The following NLGN1 variants were observed in gnomAD, a reference collection of about 807,000 sequenced individuals.
NLGN1 encodes neuroligin-1.
A neutral mutation model predicts 65.5 loss-of-function variants in NLGN1; 12 were observed. The ratio of observed to expected loss-of-function variants is 0.18; its 90% confidence interval spans 0.12 to 0.30. The LOEUF (loss-of-function observed/expected upper bound fraction) is 0.30, where lower values mean the gene tolerates loss of function less well. Among genes scored for constraint, NLGN1 ranks in the 10% least tolerant of loss-of-function variants. The pLI is 1.00. For synonymous variants in NLGN1, 350 were observed against 359.5 expected (o/e 0.97, Z 0.30); for missense variants, 750 against 1,007.1 (o/e 0.74, Z 3.46).
chr3:173,548,935 C>G (rs774295307), intron 2 of NLGN1, among the ~76,000 whole-genome samples: 2 of 151,962 alleles, frequency 1.3e-5, no homozygotes, highest in African/African-American at 2.4e-5. Flanking sequence ...ACCATTAGAT[C>G]TATTTCATGC....
intron 4 of NLGN1, among the ~76,000 whole-genome samples, chr3:174,118,679 G>A (rs1332832812): frequency 6.6e-6 from 1 of 151,068 alleles, no homozygotes; most frequent in African/African-American, 2.4e-5. Flanking sequence ...GATTTCAGGA[G>A]TAGGAAGAAG....
At chr3:173,922,282 G>C (rs1445918001) in intron 4 of NLGN1, among the ~76,000 whole-genome samples, 1 of 151,748 alleles carries the variant, frequency 6.6e-6, no homozygotes, top group East Asian at 1.9e-4. Flanking sequence ...AAAGAATAAG[G>C]CTAATATAAG....
At chr3:174,085,032 T>C (rs1742974967) in intron 4 of NLGN1, among the ~76,000 whole-genome samples, 1 of 152,028 alleles carries the variant, frequency 6.6e-6, no homozygotes, top group African/African-American at 2.4e-5. Context: ...AACATTCTCA[T>C]ATTTAAAATA....
chr3:173,574,184 C>T (rs962183446), intron 2 of NLGN1, among the ~76,000 whole-genome samples: 1 of 150,850 alleles, frequency 6.6e-6, no homozygotes, highest in Admixed American at 6.6e-5. Context: ...GTTTAATTAC[C>T]GATTTGTTTT....
At chr3:173,780,660 A>G (rs1220386666) in intron 3 of NLGN1, among the ~76,000 whole-genome samples, 1 of 152,206 alleles carries the variant, frequency 6.6e-6, no homozygotes, top group Admixed American at 6.5e-5. Flanking sequence ...TTAAATATTT[A>G]TTCTAAAAGT....
intron 4 of NLGN1, among the ~76,000 whole-genome samples, chr3:174,022,428 T>C (rs1386612968): frequency 6.6e-6 from 1 of 152,126 alleles, no homozygotes; most frequent in Admixed American, 6.6e-5. Context: ...TGGAATAGCT[T>C]GTGGAAGATG....
intron 4 of NLGN1, among the ~76,000 whole-genome samples, chr3:174,263,868 G>C (rs1747460263): frequency 6.6e-6 from 1 of 150,550 alleles, no homozygotes. Context: ...AGCTCTTTTA[G>C]GGCAGGCCTG....
intron 3 of NLGN1, among the ~76,000 whole-genome samples, chr3:173,728,055 G>A (rs1055972263): frequency 6.6e-6 from 1 of 152,064 alleles, no homozygotes; most frequent in Admixed American, 6.6e-5. Context: ...AAAATATAGG[G>A]AATTAATCTC....
chr3:173,662,023 G>A (rs538608642), intron 3 of NLGN1, among the ~76,000 whole-genome samples: 4 of 152,070 alleles, frequency 2.6e-5, no homozygotes, highest in South Asian at 2.1e-4. Flanking sequence ...CAAGAGTCAC[G>A]CAACTGTTTG....
chr3:173,743,949 T>C (rs1005717355), intron 3 of NLGN1, among the ~76,000 whole-genome samples: 3 of 152,130 alleles, frequency 2.0e-5, no homozygotes, highest in African/African-American at 7.2e-5. Flanking sequence ...ACACTACATA[T>C]CACAACTTTT....
chr3:173,892,009 A>G (rs1459256547), intron 4 of NLGN1, among the ~76,000 whole-genome samples: 1 of 152,204 alleles, frequency 6.6e-6, no homozygotes, highest in Non-Finnish European at 1.5e-5. Flanking sequence ...GTCACAGGAA[A>G]AATAACAATC....
chr3:173,761,546 C>A (rs780569708), intron 3 of NLGN1, among the ~76,000 whole-genome samples: 1 of 151,960 alleles, frequency 6.6e-6, no homozygotes, highest in African/African-American at 2.4e-5. Context: ...GCATCACTAC[C>A]TTTTAAATAT....
At chr3:173,583,855 A>T (rs1289691397) in intron 2 of NLGN1, among the ~76,000 whole-genome samples, 1 of 152,180 alleles carries the variant, frequency 6.6e-6, no homozygotes, top group Non-Finnish European at 1.5e-5. Flanking sequence ...GTCCCAAATG[A>T]GTAAGAGATT....
intron 4 of NLGN1, among the ~76,000 whole-genome samples, chr3:174,138,188 C>A (rs879456069): frequency 6.6e-6 from 1 of 151,866 alleles, no homozygotes; most frequent in Non-Finnish European, 1.5e-5. Context: ...GGAATTTACC[C>A]GCATACTATA....
intron 4 of NLGN1, among the ~76,000 whole-genome samples, chr3:173,852,012 T>C (rs1229931827): frequency 6.6e-6 from 1 of 152,056 alleles, no homozygotes; most frequent in Non-Finnish European, 1.5e-5. Context: ...AACATACAAT[T>C]TGAGGAACCT....
chr3:173,852,012 T>G (rs1229931827), intron 4 of NLGN1, among the ~76,000 whole-genome samples: 1 of 152,056 alleles, frequency 6.6e-6, no homozygotes. Flanking sequence ...AACATACAAT[T>G]TGAGGAACCT....
chr3:173,904,509 GTT>G (rs1299720428), intron 4 of NLGN1, among the ~76,000 whole-genome samples: 2 of 141,912 alleles, frequency 1.4e-5, no homozygotes, highest in African/African-American at 2.6e-5. Context: ...AAGATAAAGG[GTT>G]TTTTTTTTTT....
At chr3:173,807,167 A>G (rs113022738) in intron 3 of NLGN1, among the ~76,000 whole-genome samples, 3,198 of 152,244 alleles carry the variant, frequency 0.021, 102 homozygotes, top group African/African-American at 0.072. Flanking sequence ...TACTGTAATT[A>G]TGTTCACAAA....
At chr3:173,695,729 A>G (rs7638716) in intron 3 of NLGN1, among the ~76,000 whole-genome samples, 13,194 of 152,248 alleles carry the variant, frequency 0.087, 825 homozygotes, top group African/African-American at 0.17. Flanking sequence ...CAACCTTATT[A>G]CGATCACTTC....
Sources: gnomAD v4.1 joint callset for allele counts (sites outside exome capture counted in the v4.1 genomes callset) on GRCh38, gnomAD v4.1.1 for gene constraint, MANE v1.5 for transcripts, NCBI Gene and HGNC (gene_info 2026-07-23, HGNC 2026-07-21) for gene names.